LHFPL3: variants seen among roughly 807,000 people sequenced by gnomAD.
LHFPL3 encodes the protein LHFPL tetraspan subfamily member 3, also known as LHFPL tetraspan subfamily member 3 protein.
A neutral mutation model predicts 19.3 loss-of-function variants in LHFPL3; 5 were observed. That is an observed-to-expected ratio of 0.26 (90% CI 0.14 to 0.54). LHFPL3 has a LOEUF of 0.54. Among genes scored for constraint, LHFPL3 ranks in the 20% least tolerant of loss-of-function variants. The pLI, the probability that LHFPL3 is intolerant of heterozygous loss-of-function variation, is 0.94. For missense variants in LHFPL3, 249 were observed against 307.4 expected (o/e 0.81, Z 1.42); for synonymous variants, 133 against 126.2 (o/e 1.05, Z -0.36).
intron 2 of LHFPL3, among the ~76,000 whole-genome samples, chr7:104,790,983 T>C (rs1790013414): frequency 6.6e-6 from 1 of 152,256 alleles, no homozygotes; most frequent in African/African-American, 2.4e-5. Flanking sequence ...AAAGCACAGA[T>C]AGAGCATCTT....
chr7:104,551,747 T>G (rs1794665850), intron 1 of LHFPL3, among the ~76,000 whole-genome samples: 1 of 152,128 alleles, frequency 6.6e-6, no homozygotes, highest in African/African-American at 2.4e-5. Context: ...TGGTGATTCT[T>G]AGAAATAAGA....
chr7:104,753,983 A>G (rs905842725), intron 2 of LHFPL3, among the ~76,000 whole-genome samples: 2 of 152,180 alleles, frequency 1.3e-5, no homozygotes, highest in African/African-American at 4.8e-5. Flanking sequence ...TGACATGCCA[A>G]TTCTGCTCCT....
chr7:104,359,500 A>C (rs748024190), intron 1 of LHFPL3, among the ~76,000 whole-genome samples: 1 of 152,230 alleles, frequency 6.6e-6, no homozygotes, highest in African/African-American at 2.4e-5. Flanking sequence ...ATGTAAAAAA[A>C]CTAAGTTTAA....
At chr7:104,663,036 T>A (rs899049450) in intron 1 of LHFPL3, among the ~76,000 whole-genome samples, 4 of 152,138 alleles carry the variant, frequency 2.6e-5, no homozygotes, top group Non-Finnish European at 4.4e-5. Context: ...GCTGGGCATT[T>A]AAAAAAATAG....
intron 2 of LHFPL3, among the ~76,000 whole-genome samples, chr7:104,878,461 T>C (rs1791989545): frequency 6.6e-6 from 1 of 152,160 alleles, no homozygotes; most frequent in Non-Finnish European, 1.5e-5. Context: ...GTTACTATTG[T>C]AATTGTTTTG....
intron 1 of LHFPL3, among the ~76,000 whole-genome samples, chr7:104,600,016 T>C (rs1316414624): frequency 6.6e-6 from 1 of 152,226 alleles, no homozygotes; most frequent in Non-Finnish European, 1.5e-5. Flanking sequence ...CCCCTTCCTA[T>C]GCTAGAAGCC....
chr7:104,580,389 G>A (rs1004828249), intron 1 of LHFPL3, among the ~76,000 whole-genome samples: 1 of 152,074 alleles, frequency 6.6e-6, no homozygotes, highest in African/African-American at 2.4e-5. Flanking sequence ...GATCACCCAT[G>A]TACTTGCCAC....
intron 2 of LHFPL3, among the ~76,000 whole-genome samples, chr7:104,765,001 G>C (rs1269044306): frequency 6.6e-6 from 1 of 152,150 alleles, no homozygotes; most frequent in African/African-American, 2.4e-5. Context: ...AGTGAGGGTT[G>C]GGGAAGCCAA....
At chr7:104,478,381 TG>T (rs771522793) in intron 1 of LHFPL3, among the ~76,000 whole-genome samples, 11 of 152,080 alleles carry the variant, frequency 7.2e-5, no homozygotes, top group Non-Finnish European at 1.3e-4. Flanking sequence ...CCATGGACTT[TG>T]GGGGCTCTTG....
rs1323656400 is a variant in LHFPL3 at position 104,791,664 on chromosome 7, G to A, written c.682+54753G>A. Among the ~76,000 whole-genome samples the A allele has an allele frequency of 2.0e-5, 3 of 152,216 alleles. No individual in the cohort carries two copies. The East Asian group carries it at 5.8e-4, about 29-fold the overall frequency. On this transcript the variant is annotated intron_variant, in intron 2 of 2. Coordinates refer to ENST00000424859, the MANE Select transcript of LHFPL3 (RefSeq NM_199000.3). ...ACTGCCGGTTGCCTGGCCATACTTG[G>A]GAATCTCAACTTCTTTGAGCTATTT...
At chr7:104,806,257 A>G (rs1038108823) in intron 2 of LHFPL3, among the ~76,000 whole-genome samples, 1 of 152,268 alleles carries the variant, frequency 6.6e-6, no homozygotes, top group Non-Finnish European at 1.5e-5. Flanking sequence ...TTAGGTTTCA[A>G]TTAGTTCAGG....
intron 1 of LHFPL3, among the ~76,000 whole-genome samples, chr7:104,378,659 C>T (rs1790763072): frequency 1.3e-5 from 2 of 152,252 alleles, no homozygotes; most frequent in South Asian, 2.1e-4. Flanking sequence ...TCTTTGTTCA[C>T]ATTTGGTATT....
chr7:104,547,696 A>G (rs772069035), intron 1 of LHFPL3, among the ~76,000 whole-genome samples: 8 of 152,306 alleles, frequency 5.3e-5, no homozygotes, highest in South Asian at 4.2e-4. Context: ...TCCAGACAGC[A>G]CATGAGCCCA....
chr7:104,732,512 A>G (rs565577482), intron 1 of LHFPL3, among the ~76,000 whole-genome samples: 2 of 152,230 alleles, frequency 1.3e-5, no homozygotes, highest in South Asian at 2.1e-4. Flanking sequence ...TTGTTTTTGT[A>G]GAGGTGTTTA....
At chr7:104,403,911 T>C (rs1473983892) in intron 1 of LHFPL3, among the ~76,000 whole-genome samples, 2 of 152,236 alleles carry the variant, frequency 1.3e-5, no homozygotes, top group East Asian at 1.9e-4. Context: ...TATTTTTAAA[T>C]GGCTGAAAAA....
intron 1 of LHFPL3, among the ~76,000 whole-genome samples, chr7:104,390,587 T>C (rs13243499): frequency 0.59 from 89,150 of 152,088 alleles, 26,508 homozygotes; most frequent in African/African-American, 0.65. Context: ...CTATCACTGG[T>C]GGACATTTGG....
intron 2 of LHFPL3, among the ~76,000 whole-genome samples, chr7:104,782,637 G>T (rs1366710409): frequency 2.0e-5 from 3 of 152,150 alleles, no homozygotes; most frequent in Non-Finnish European, 4.4e-5. Flanking sequence ...TTTCTGTAAT[G>T]CATATCACAT....
intron 2 of LHFPL3, among the ~76,000 whole-genome samples, chr7:104,904,917 G>A (rs1422990532): frequency 6.6e-6 from 1 of 152,136 alleles, no homozygotes; most frequent in Non-Finnish European, 1.5e-5. Context: ...TGGAGAAAAG[G>A]AAAAGTAATT....
At chr7:104,569,817 C>T (rs1410983365) in intron 1 of LHFPL3, among the ~76,000 whole-genome samples, 1 of 152,140 alleles carries the variant, frequency 6.6e-6, no homozygotes, top group Non-Finnish European at 1.5e-5. Context: ...CCCCAGGTCA[C>T]GTAACCTGTA....
Sources: gnomAD v4.1 joint callset for allele counts (sites outside exome capture counted in the v4.1 genomes callset) on GRCh38, gnomAD v4.1.1 for gene constraint, MANE v1.5 for transcripts, NCBI Gene and HGNC (gene_info 2026-07-23, HGNC 2026-07-21) for gene names.